COPS3: variants seen among roughly 807,000 people sequenced by gnomAD.
COPS3 encodes COP9 signalosome complex subunit 3.
In COPS3, 10 loss-of-function variants were observed where a neutral mutation model predicts 58.2. The ratio of observed to expected loss-of-function variants is 0.17; its 90% CI spans 0.11 to 0.29. The LOEUF (loss-of-function observed/expected upper bound fraction) is 0.29. Among genes scored for constraint, COPS3 ranks in the 10% least tolerant of loss-of-function variants. The pLI is 1.00. For missense variants in COPS3, 333 were observed against 510.1 expected, an observed-to-expected ratio of 0.65 and a Z score of 3.34; for synonymous variants, 187 against 181.7, an observed-to-expected ratio of 1.03 and a Z score of -0.24.
rs190592066 is a variant in COPS3, at chr17:17,246,808, C to G, written c.*290G>C. 3.0e-5 allele frequency: 11 copies of G among 366,402 alleles called. No homozygotes were observed. The highest frequency in any genetic ancestry group is 1.8e-4 in the African/African-American group (9 of 49,374). The allele number at this position is 366,402 out of a possible 1,614,324, so 22.7% of individuals were successfully genotyped here. ...AACTTCAGAGGAGAAAAAAGTGATA[C>G]AGAAGACACATTAATGTTCAAGCAA... On this transcript the variant is annotated 3_prime_UTR_variant, in exon 12 of 12. Coordinates refer to ENST00000268717, the MANE Select transcript of COPS3 (RefSeq NM_003653.4).
chr17:17,268,855 T>A (rs1184630128), intron 4 of COPS3, among the ~76,000 whole-genome samples: 3 of 150,648 alleles, frequency 2.0e-5, no homozygotes, highest in African/African-American at 7.3e-5. Flanking sequence ...AACAAAAATA[T>A]ATATATATAT....
At chr17:17,257,805 AAAAAAAG>A (rs1283108557) in intron 8 of COPS3, among the ~76,000 whole-genome samples, 100 of 151,536 alleles carry the variant, frequency 6.6e-4, no homozygotes, top group African/African-American at 2.3e-3. Flanking sequence ...TCAAAAAAAA[AAAAAAAG>A]AAAAAGAAAA....
At chr17:17,278,109 C>T (rs931932199) in intron 1 of COPS3, among the ~76,000 whole-genome samples, 4 of 152,074 alleles carry the variant, frequency 2.6e-5, no homozygotes, top group Non-Finnish European at 5.9e-5. Context: ...TGAGATTGCG[C>T]CACTGTACTC....
At chr17:17,269,921 C>G (rs2048308326) in intron 4 of COPS3, among the ~76,000 whole-genome samples, 1 of 152,134 alleles carries the variant, frequency 6.6e-6, no homozygotes, top group South Asian at 2.1e-4. Flanking sequence ...CTTTGGGAGG[C>G]CAAGGCGGGA....
At position 17,260,877 on chromosome 17, in the gene COPS3, C is replaced by T. The variant is rs139487105; in HGVS notation, c.763-403G>A. On this transcript the variant is annotated intron_variant, in intron 7 of 11. Coordinates refer to ENST00000268717, the MANE Select transcript of COPS3 (RefSeq NM_003653.4). ...AATGTGTATAGGAAGCAAAAACACA[C>T]TTACATACTATTTTTTAAGCAAGTA... Among the ~76,000 whole-genome samples the T allele has an allele frequency of 9.2e-4, 140 of 151,856 alleles. 2 individuals carry two copies. The highest frequency in any genetic ancestry group is 3.1e-3 in the African/African-American group (129 of 41,430).
intron 6 of COPS3, among the ~76,000 whole-genome samples, chr17:17,263,810 G>C (rs920693188): frequency 1.3e-5 from 2 of 152,108 alleles, no homozygotes; most frequent in Admixed American, 6.5e-5. Context: ...CACCGCACTC[G>C]GACGCCTCTT....
At chr17:17,264,226 TCTAA>T (rs2048173307) in intron 6 of COPS3, among the ~76,000 whole-genome samples, 2 of 152,362 alleles carry the variant, frequency 1.3e-5, no homozygotes, top group South Asian at 2.1e-4. Flanking sequence ...CTTACGAACA[TCTAA>T]CTAATTTACC....
intron 7 of COPS3, 200 bp downstream of exon 7, chr17:17,261,766 T>C (rs1020513850): frequency 3.9e-6 from 2 of 515,594 alleles, no homozygotes; most frequent in Non-Finnish European, 6.9e-6. Context: ...GAGCACAAGT[T>C]TGAAAACGGG....
intron 5 of COPS3, 144 bp downstream of exon 5, chr17:17,267,741 T>C: frequency 1.5e-6 from 1 of 645,758 alleles, no homozygotes; most frequent in Non-Finnish European, 2.4e-6. Flanking sequence ...CGCCTGAATG[T>C]AATAGATGTA....
chr17:17,267,327 C>CA (rs778325363), intron 5 of COPS3, among the ~76,000 whole-genome samples: 10,176 of 50,078 alleles, frequency 0.2, 772 homozygotes, highest in East Asian at 0.3. Flanking sequence ...GACTCCGTCT[C>CA]AAAAAAAAAA....
intron 2 of COPS3, among the ~76,000 whole-genome samples, chr17:17,271,710 C>T (rs928167056): frequency 1.3e-5 from 2 of 150,440 alleles, no homozygotes; most frequent in African/African-American, 4.9e-5. Flanking sequence ...CCTGTAACCC[C>T]AGCTACTCGG....
Position 17,254,931 on chromosome 17 carries a change from T to TA in COPS3, c.950dup (p.Ser318IlefsTer29). ...CACGACTTGCCATATCTTGTAATGA[T>TA]AGAGTTAAAAAGGTCTGAAAGTCAG... On this transcript the variant is annotated frameshift_variant, in exon 9 of 12. Transcript: ENST00000268717. LOFTEE classifies it high-confidence loss of function. 6.2e-7 allele frequency: 1 copy of TA among 1,612,278 alleles called. No individual in the cohort carries two copies.
chr17:17,249,771 C>T (rs1302337649), intron 9 of COPS3, among the ~76,000 whole-genome samples: 2 of 152,178 alleles, frequency 1.3e-5, no homozygotes, highest in South Asian at 4.1e-4. Context: ...GGATTACAGG[C>T]GTAAGCCACC....
intron 1 of COPS3, 66 bp downstream of exon 1, chr17:17,281,066 G>C: frequency 6.5e-7 from 1 of 1,532,758 alleles, no homozygotes; most frequent in South Asian, 1.2e-5. Context: ...GTCCGTGCTG[G>C]CGCCTGGGGA....
chr17:17,273,128 T>C (rs1270117312), intron 2 of COPS3, among the ~76,000 whole-genome samples: 2 of 152,202 alleles, frequency 1.3e-5, no homozygotes, highest in Admixed American at 1.3e-4. Flanking sequence ...GAGAAGAAAT[T>C]GACTTAAAGT....
intron 9 of COPS3, among the ~76,000 whole-genome samples, chr17:17,253,403 TATC>T (rs1237817474): frequency 6.6e-6 from 1 of 152,210 alleles, no homozygotes; most frequent in Non-Finnish European, 1.5e-5. Flanking sequence ...TGTGGTGGGT[TATC>T]ATATAGTCAT....
chr17:17,266,268 C>T (rs567449226), intron 5 of COPS3, among the ~76,000 whole-genome samples: 242 of 152,144 alleles, frequency 1.6e-3, no homozygotes, highest in Middle Eastern at 3.4e-3. Context: ...ATGTTAAATA[C>T]AAAAAGCAAG....
chr17:17,280,637 C>T, intron 1 of COPS3: 1 of 1,303,558 alleles, frequency 7.7e-7, no homozygotes, highest in Non-Finnish European at 1.0e-6. Context: ...GAGCGTGCGC[C>T]GCCTGGCAGC....
chr17:17,271,064 G>C, intron 2 of COPS3, 56 bp from the exon 3 acceptor site: 1 of 1,214,994 alleles, frequency 8.2e-7, no homozygotes, highest in Non-Finnish European at 1.2e-6. Flanking sequence ...ATAAAATACA[G>C]AAACAATGTA....
Sources: gnomAD v4.1 joint callset for allele counts (sites outside exome capture counted in the v4.1 genomes callset) on GRCh38, gnomAD v4.1.1 for gene constraint, MANE v1.5 for transcripts, NCBI Gene and HGNC (gene_info 2026-07-23, HGNC 2026-07-21) for gene names.